The following LRMDA variants were observed in gnomAD, a reference collection of about 807,000 sequenced individuals.
LRMDA encodes leucine-rich melanocyte differentiation-associated protein.
A neutral mutation model predicts 29.8 loss-of-function variants in LRMDA; 18 were observed. The observed-to-expected ratio is 0.60, with a 90% CI of 0.42 to 0.90. The LOEUF (loss-of-function observed/expected upper bound fraction) is 0.90, where lower values mean the gene tolerates loss of function less well. Ranked by LOEUF, LRMDA falls within the 40% of genes least tolerant of loss-of-function variation. The pLI, the probability that LRMDA is intolerant of heterozygous loss-of-function variation, is 0.00. For synonymous variants in LRMDA, 125 were observed against 109.4 expected (o/e 1.14, Z -0.89); for missense variants, 273 against 273.9 (o/e 1.00, Z 0.02).
intron 2 of LRMDA, among the ~76,000 whole-genome samples, chr10:75,996,331 G>A (rs1382877385): frequency 6.6e-6 from 1 of 152,204 alleles, no homozygotes; most frequent in African/African-American, 2.4e-5. Context: ...TTTTGAACGT[G>A]TGGAATTTCT....
At chr10:75,922,007 A>G (rs1846031304) in intron 2 of LRMDA, among the ~76,000 whole-genome samples, 1 of 152,026 alleles carries the variant, frequency 6.6e-6, no homozygotes, top group Non-Finnish European at 1.5e-5. Context: ...TTTACTTTTT[A>G]TCTCTTTCGT....
intron 5 of LRMDA, among the ~76,000 whole-genome samples, chr10:76,310,139 C>A (rs1055512885): frequency 4.6e-5 from 7 of 152,134 alleles, no homozygotes; most frequent in African/African-American, 1.7e-4. Flanking sequence ...AGCAATAACT[C>A]AAAACTGCTT....
rs1033572640 is a variant in LRMDA at position 76,559,892 on chromosome 10, G to A, written c.*2604G>A. 6.6e-6 allele frequency: 1 copy of A among 152,204 alleles called. No homozygotes were observed. The highest frequency in any genetic ancestry group is 1.5e-5 in the Non-Finnish European group (1 of 68,046). 9.4% of individuals were successfully genotyped at this position (152,204 alleles called of 1,614,324 possible). A position where few individuals can be genotyped will look rare whatever the true frequency, so the allele number is the denominator to read the frequency against. ...TGCAGCTCTCTGTTGCCTCAGCAAT[G>A]TCAGGACGACTGTCTCTTTCCTAAG... is the stretch of plus-strand genomic sequence containing the variant. On this transcript the variant is annotated 3_prime_UTR_variant, in exon 7 of 7. Transcript: ENST00000611255.
intron 6 of LRMDA, among the ~76,000 whole-genome samples, chr10:76,467,813 T>G (rs955837349): frequency 9.2e-5 from 14 of 152,200 alleles, no homozygotes; most frequent in Admixed American, 1.3e-4. Context: ...GCATGCCAGC[T>G]TGGGTGCTAC....
chr10:76,071,271 G>A (rs1365059319), intron 5 of LRMDA, among the ~76,000 whole-genome samples: 3 of 152,116 alleles, frequency 2.0e-5, no homozygotes, highest in Non-Finnish European at 2.9e-5. Flanking sequence ...TCATCAGAAG[G>A]GTTTTGAAAC....
chr10:76,394,318 C>T (rs183784413), intron 6 of LRMDA, among the ~76,000 whole-genome samples: 5 of 152,218 alleles, frequency 3.3e-5, no homozygotes, highest in East Asian at 3.9e-4. Context: ...TAATCAAGTA[C>T]GTGGGAGGTA....
At chr10:76,471,889 T>C (rs941646009) in intron 6 of LRMDA, among the ~76,000 whole-genome samples, 1 of 151,632 alleles carries the variant, frequency 6.6e-6, no homozygotes, top group Admixed American at 6.6e-5. Context: ...CATAAACATA[T>C]AGACATGGCT....
intron 2 of LRMDA, among the ~76,000 whole-genome samples, chr10:75,846,645 T>C (rs990371720): frequency 1.3e-5 from 2 of 152,198 alleles, no homozygotes; most frequent in African/African-American, 4.8e-5. Flanking sequence ...TCAAATGTTA[T>C]GTGCAAAGCA....
chr10:75,650,417 G>C (rs549040540), intron 2 of LRMDA, among the ~76,000 whole-genome samples: 2 of 152,014 alleles, frequency 1.3e-5, no homozygotes, highest in African/African-American at 4.8e-5. Context: ...ATCTATGCAA[G>C]AGTTATTTCT....
chr10:75,899,666 T>C (rs1378511618), intron 2 of LRMDA, among the ~76,000 whole-genome samples: 1 of 152,162 alleles, frequency 6.6e-6, no homozygotes. Flanking sequence ...CTACAACCTC[T>C]TAGATTTGGG....
At chr10:76,180,114 T>A (rs563098051) in intron 5 of LRMDA, among the ~76,000 whole-genome samples, 1 of 152,018 alleles carries the variant, frequency 6.6e-6, no homozygotes, top group South Asian at 2.1e-4. Context: ...TGCGTTAGTT[T>A]CGATTTTGGG....
intron 5 of LRMDA, among the ~76,000 whole-genome samples, chr10:76,166,200 G>A (rs4746370): frequency 0.17 from 25,576 of 152,156 alleles, 2,799 homozygotes; most frequent in East Asian, 0.52. Flanking sequence ...GCATGAGGCT[G>A]TCTGTTAGGT....
intron 2 of LRMDA, among the ~76,000 whole-genome samples, chr10:75,975,194 C>T (rs1048685748): frequency 3.9e-5 from 6 of 152,250 alleles, no homozygotes; most frequent in Admixed American, 1.3e-4. Context: ...GGAGAAGTAA[C>T]TTGTCTAGGT....
At position 75,755,068 on chromosome 10, in the gene LRMDA, GT is replaced by G. The variant is rs899146177; in HGVS notation, c.132-280933del. ...TTTTTTTTTTTGTTTGTTTTGTTTT[GT>G]TTTTTTAAACTTTTGGCTGCTTTCT... On this transcript the variant is annotated intron_variant, in intron 2 of 6. Coordinates refer to ENST00000611255, the MANE Select transcript of LRMDA (RefSeq NM_001305581.2). Among the ~76,000 whole-genome samples, 29 of 148,762 alleles carry G rather than the reference GT, an allele frequency of 1.9e-4. 1 individual carries two copies. The highest frequency in any genetic ancestry group is 4.3e-4 in the South Asian group (2 of 4,656).
At chr10:75,853,474 GCA>G (rs1844768781) in intron 2 of LRMDA, among the ~76,000 whole-genome samples, 1 of 150,666 alleles carries the variant, frequency 6.6e-6, no homozygotes, top group Non-Finnish European at 1.5e-5. Context: ...GTGGTCACAT[GCA>G]CACACAGTCA....
chr10:76,049,826 T>C (rs1564639199), intron 4 of LRMDA, among the ~76,000 whole-genome samples: 1 of 152,232 alleles, frequency 6.6e-6, no homozygotes, highest in East Asian at 1.9e-4. Flanking sequence ...TTCTAGCTGT[T>C]TCCCAGAGCC....
chr10:75,654,090 C>T (rs559077916), intron 2 of LRMDA, among the ~76,000 whole-genome samples: 5 of 152,164 alleles, frequency 3.3e-5, no homozygotes, highest in South Asian at 2.1e-4. Context: ...TCTTCTTTGG[C>T]GGAGGGATGG....
At chr10:75,830,760 A>C (rs1311933770) in intron 2 of LRMDA, among the ~76,000 whole-genome samples, 1 of 152,124 alleles carries the variant, frequency 6.6e-6, no homozygotes, top group Non-Finnish European at 1.5e-5. Flanking sequence ...GGCCATCCCA[A>C]ATCTCATATC....
rs577922817 is a variant in LRMDA at position 76,089,102 on chromosome 10, G to A, written c.516+30319G>A. ...ACAGGATTGTAGCAGAACCAAATTAGTTGTAATGAATAGAGTGCTATGATA... is the reference window on the plus strand; with the variant it reads ...ACAGGATTGTAGCAGAACCAAATTAATTGTAATGAATAGAGTGCTATGATA... On this transcript the variant is annotated intron_variant, in intron 5 of 6. Transcript: ENST00000611255. 8.5e-5 allele frequency among the ~76,000 whole-genome samples: 13 copies of A among 152,322 alleles called. No homozygotes were observed. The South Asian group carries it at 2.7e-3, about 32-fold the overall frequency.
Sources: gnomAD v4.1 joint callset for allele counts (sites outside exome capture counted in the v4.1 genomes callset) on GRCh38, gnomAD v4.1.1 for gene constraint, MANE v1.5 for transcripts, NCBI Gene and HGNC (gene_info 2026-07-23, HGNC 2026-07-21) for gene names.